The following ADAM9 variants were observed in gnomAD, a reference collection of about 807,000 sequenced individuals.
ADAM9 encodes the protein disintegrin and metalloproteinase domain-containing protein 9.
In ADAM9, 54 loss-of-function variants were observed where a neutral mutation model predicts 108.1. That is an observed-to-expected ratio of 0.50 (90% CI 0.40 to 0.63). ADAM9 has a LOEUF of 0.63. Ranked by LOEUF, ADAM9 falls within the 20% of genes least tolerant of loss-of-function variation. ADAM9 has a pLI of 0.00. For synonymous variants in ADAM9, 316 were observed against 336.0 expected, an observed-to-expected ratio of 0.94 and a Z score of 0.65; for missense variants, 830 against 997.7, an observed-to-expected ratio of 0.83 and a Z score of 2.26.
At chr8:39,028,952 A>G (rs186332508) in intron 11 of ADAM9, among the ~76,000 whole-genome samples, 130 of 152,280 alleles carry the variant, frequency 8.5e-4, no homozygotes, top group African/African-American at 3.1e-3. Context: ...CCACTCCCCT[A>G]AAGTCAACCC....
At chr8:39,068,806 C>A (rs1016677886) in intron 14 of ADAM9, among the ~76,000 whole-genome samples, 1 of 150,710 alleles carries the variant, frequency 6.6e-6, no homozygotes, top group East Asian at 2.0e-4. Context: ...CTCAGTTCAT[C>A]CCCTTGTTTT....
At chr8:39,103,358 A>G (rs941811590) in intron 21 of ADAM9, among the ~76,000 whole-genome samples, 1 of 151,604 alleles carries the variant, frequency 6.6e-6, no homozygotes, top group Non-Finnish European at 1.5e-5. Context: ...TTGAAAAAAC[A>G]TGTAAACTAG....
At chr8:39,095,014 A>T (rs188222716) in intron 20 of ADAM9, among the ~76,000 whole-genome samples, 30 of 152,234 alleles carry the variant, frequency 2.0e-4, no homozygotes, top group African/African-American at 4.1e-4. Flanking sequence ...GAGATTTTTT[A>T]AAAAATGTAG....
chr8:39,021,582 C>A, intron 7 of ADAM9, 61 bp from the exon 8 acceptor site: 1 of 1,466,120 alleles, frequency 6.8e-7, no homozygotes, highest in Non-Finnish European at 9.6e-7. Context: ...CTGCACCCGG[C>A]CTTACATTTC....
rs753071955 is a variant in ADAM9, at chr8:39,071,262, CT to C, written c.1592-27del. 4.8e-5 allele frequency: 76 copies of C among 1,581,826 alleles called. 2 individuals are homozygous for C. The highest frequency in any genetic ancestry group is 4.6e-4 in the South Asian group (41 of 89,900). On this transcript the variant is annotated intron_variant, in intron 14 of 21. Coordinates refer to ENST00000487273, the MANE Select transcript of ADAM9 (RefSeq NM_003816.3). ...TATTTCAAAAGCTAAATTGCCATAA[CT>C]TTTTTTTTCTTTTTTTAAATGTTTA...
chr8:39,016,690 T>A (rs1259135869), intron 5 of ADAM9, among the ~76,000 whole-genome samples: 1 of 152,236 alleles, frequency 6.6e-6, no homozygotes, highest in Non-Finnish European at 1.5e-5. Context: ...ACTGCATGAT[T>A]GCTTGAACTA....
intron 1 of ADAM9, among the ~76,000 whole-genome samples, chr8:39,007,037 A>G (rs1475487263): frequency 6.6e-6 from 1 of 152,188 alleles, no homozygotes; most frequent in Non-Finnish European, 1.5e-5. Flanking sequence ...GTAATTTATA[A>G]AGAAAAGAGG....
At chr8:39,031,783 G>T (rs912375454) in intron 11 of ADAM9, among the ~76,000 whole-genome samples, 1 of 152,190 alleles carries the variant, frequency 6.6e-6, no homozygotes, top group Non-Finnish European at 1.5e-5. Flanking sequence ...CCATCTTTGT[G>T]GTTTTATCTA....
chr8:39,007,898 C>A lies in ADAM9; in HGVS notation c.110C>A (p.Thr37Asn). 2 of 1,611,170 alleles carry A rather than the reference C, an allele frequency of 1.2e-6. No individual in the cohort carries two copies. Among genetic ancestry groups the A allele is most frequent in the Non-Finnish European group, 1.7e-6 (2 of 1,178,228 alleles). Reference sequence around the variant, plus strand: ...GCCTTTTCTGTAGGCTTTCAACAGACCTCACATCTTTCTTCTTATGAAATT... The same window carrying A: ...GCCTTTTCTGTAGGCTTTCAACAGAACTCACATCTTTCTTCTTATGAAATT... Reference protein sequence around the residue: ...LGAARPGFQQTSHLSSYEIIT... With the variant: ...LGAARPGFQQNSHLSSYEIIT... Residue 37 changes from threonine (T) to asparagine (N), a missense_variant, in exon 2 of 22, where the codon ACC becomes AAC. Physicochemically the swap from Thr to Asn is moderately conservative, Grantham distance 65. Coordinates refer to ENST00000487273, the MANE Select transcript of ADAM9 (RefSeq NM_003816.3).
intron 14 of ADAM9, among the ~76,000 whole-genome samples, chr8:39,059,162 G>T (rs1030298100): frequency 1.3e-5 from 2 of 152,234 alleles, no homozygotes; most frequent in Non-Finnish European, 2.9e-5. Flanking sequence ...AGAATATTAT[G>T]ATGGTGGGGG....
At chr8:39,088,048 T>C (rs966257499) in intron 18 of ADAM9, among the ~76,000 whole-genome samples, 1 of 152,088 alleles carries the variant, frequency 6.6e-6, no homozygotes, top group African/African-American at 2.4e-5. Context: ...ATACTATTCA[T>C]TAAGTGGAAG....
intron 18 of ADAM9, among the ~76,000 whole-genome samples, chr8:39,086,761 G>A (rs1839192013): frequency 6.6e-6 from 1 of 152,114 alleles, no homozygotes; most frequent in Non-Finnish European, 1.5e-5. Flanking sequence ...TTTGAGTTAC[G>A]TCGACATAGT....
chr8:39,045,536 G>C (rs1268531388), intron 12 of ADAM9, among the ~76,000 whole-genome samples: 1 of 130,754 alleles, frequency 7.6e-6, no homozygotes, highest in South Asian at 2.4e-4. Context: ...GTGCATATGT[G>C]TGTATATATG....
intron 21 of ADAM9, 22 bp downstream of exon 21, chr8:39,101,952 A>AT (rs1358544771): frequency 1.3e-6 from 2 of 1,599,168 alleles, no homozygotes; most frequent in Admixed American, 1.7e-5. Flanking sequence ...ATTTGCTTAG[A>AT]TTTTTTGGCC....
At chr8:39,063,692 A>G (rs1588400082) in intron 14 of ADAM9, among the ~76,000 whole-genome samples, 1 of 152,252 alleles carries the variant, frequency 6.6e-6, no homozygotes, top group Admixed American at 6.5e-5. Flanking sequence ...ACTGCACTCC[A>G]GCCTGGGCAA....
intron 14 of ADAM9, among the ~76,000 whole-genome samples, chr8:39,063,439 GA>G: frequency 6.6e-6 from 1 of 152,288 alleles, no homozygotes; most frequent in East Asian, 1.9e-4. Context: ...CGACTCATCA[GA>G]ATTTAGAGGC....
chr8:39,087,939 A>T (rs979274455), intron 18 of ADAM9, among the ~76,000 whole-genome samples: 1 of 152,202 alleles, frequency 6.6e-6, no homozygotes, highest in East Asian at 1.9e-4. Context: ...GTTGATTACC[A>T]TAGATTTTGT....
At chr8:39,026,427 T>G (rs552374263) in intron 10 of ADAM9, among the ~76,000 whole-genome samples, 3 of 152,254 alleles carry the variant, frequency 2.0e-5, no homozygotes, top group Non-Finnish European at 4.4e-5. Flanking sequence ...TCCTATAAAC[T>G]ACCATAAGTA....
intron 14 of ADAM9, among the ~76,000 whole-genome samples, chr8:39,061,249 A>G (rs557163397): frequency 7.6e-4 from 116 of 152,252 alleles, no homozygotes; most frequent in African/African-American, 2.8e-3. Flanking sequence ...CATAATAACC[A>G]TCACTCCACA....
Sources: allele counts gnomAD v4.1 joint callset (sites outside exome capture counted in the v4.1 genomes callset), GRCh38; gene constraint gnomAD v4.1.1; transcripts MANE v1.5; gene names NCBI Gene and HGNC (gene_info 2026-07-23, HGNC 2026-07-21).